The following KCNK5 variants were observed in gnomAD, a reference collection of about 807,000 sequenced individuals.
The protein encoded by KCNK5 is potassium two pore domain channel subfamily K member 5, also known as potassium channel subfamily K member 5.
KCNK5 carries 18 observed loss-of-function variants against 32.9 expected under a neutral mutation model. The observed-to-expected ratio is 0.55, with a 90% CI of 0.38 to 0.81. The LOEUF is 0.81. KCNK5 is among the 30% of genes least tolerant of loss of function. The pLI is 0.00. For missense variants in KCNK5, 507 were observed against 651.0 expected (o/e 0.78, Z 2.41); for synonymous variants, 276 against 275.3 (o/e 1.00, Z -0.03).
chr6:39,206,524 C>T (rs1026008443), intron 1 of KCNK5, among the ~76,000 whole-genome samples: 1 of 152,198 alleles, frequency 6.6e-6, no homozygotes, highest in Non-Finnish European at 1.5e-5. Context: ...CCATCCCGGG[C>T]CAATGACCTG....
At chr6:39,207,326 G>C (rs562600983) in intron 1 of KCNK5, among the ~76,000 whole-genome samples, 1 of 152,320 alleles carries the variant, frequency 6.6e-6, no homozygotes, top group South Asian at 2.1e-4. Flanking sequence ...GCCCTACAAG[G>C]AGAGACTCAT....
At chr6:39,220,215 G>A (rs1237863495) in intron 1 of KCNK5, among the ~76,000 whole-genome samples, 2 of 152,190 alleles carry the variant, frequency 1.3e-5, no homozygotes, top group East Asian at 3.9e-4. Flanking sequence ...GACTCAGGGG[G>A]CAAGCATCCC....
At chr6:39,217,199 C>T (rs1440403466) in intron 1 of KCNK5, among the ~76,000 whole-genome samples, 2 of 151,352 alleles carry the variant, frequency 1.3e-5, no homozygotes, top group African/African-American at 4.9e-5. Context: ...AATGCCTCTC[C>T]TCTGTTAGGA....
rs111478137 is a variant in KCNK5, at chr6:39,191,193, G to T, written c.1197C>A (p.Ser399Arg). The change falls in exon 5 of 5, where the codon AGC becomes AGA. Residue 399 changes from serine to arginine, a missense_variant. This residue lies in a region of KCNK5 where 252 missense variants were observed against 250.8 expected (regional missense o/e 1.00). Transcript: ENST00000359534. The surrounding 1 kb of genome is among the most constrained non-coding windows in gnomAD (Gnocchi z 5.8). ...EVFMNQLDRISEECEPWDAQD... is the reference protein window; with the variant it reads ...EVFMNQLDRIREECEPWDAQD... ...GGGCGTCCCATGGCTCGCATTCCTC[G>T]CTGATGCGGTCCAGCTGGTTCATGA... 6.2e-7 allele frequency: 1 copy of T among 1,614,096 alleles called. No individual in the cohort carries two copies. Among genetic ancestry groups the T allele is most frequent in the Admixed American group, 1.7e-5 (1 of 60,012 alleles).
At chr6:39,195,807 G>C in intron 2 of KCNK5, 69 bp downstream of exon 2, 1 of 1,093,694 alleles carries the variant, frequency 9.1e-7, no homozygotes, top group East Asian at 2.4e-5. Context: ...GACCAGAGCT[G>C]GGTTTCTAGA....
Position 39,190,868 on chromosome 6 carries a change from G to T in KCNK5, c.*22C>A, listed in dbSNP as rs1460562142. Reference sequence around the variant, plus strand: ...GAGGGGGGAAGAGGCCATCAAAGGTGGGGTGGGGAGCCGGCCCTGCCTCAT... The same window carrying T: ...GAGGGGGGAAGAGGCCATCAAAGGTTGGGTGGGGAGCCGGCCCTGCCTCAT... On this transcript the variant is annotated 3_prime_UTR_variant, in exon 5 of 5. Transcript: ENST00000359534. The T allele has an allele frequency of 2.1e-6, 3 of 1,456,434 alleles. No homozygotes were observed. Among genetic ancestry groups the T allele is most frequent in the Non-Finnish European group, 2.7e-6 (3 of 1,102,686 alleles). 90.2% of individuals were successfully genotyped at this position (1,456,434 alleles called of 1,614,324 possible). A position where few individuals can be genotyped will look rare whatever the true frequency, so the allele number is the denominator to read the frequency against.
In KCNK5 at chr6:39,228,981, T is replaced by C; in HGVS notation, c.131A>G (p.His44Arg). ...CAGGCACGGGAACTCCTTGAGCAGATGCAGCTTCTGTGTGTAGTAGTTTTT... is the reference window on the plus strand; with the variant it reads ...CAGGCACGGGAACTCCTTGAGCAGACGCAGCTTCTGTGTGTAGTAGTTTTT... ...AKKNYYTQKLHLLKEFPCLGQ... is the reference protein window; with the variant it reads ...AKKNYYTQKLRLLKEFPCLGQ... The change falls in exon 1 of 5, where the codon CAT (histidine) becomes CGT (arginine). Residue 44 changes from histidine (H) to arginine (R), a missense_variant. His to Arg is a conservative substitution (Grantham distance 29, BLOSUM62 0). Around this residue, in one of 6 missense-constraint regions of KCNK5, gnomAD observed 143 missense variants for 219.1 expected, o/e 0.65. Transcript: ENST00000359534. 1 of 1,614,200 alleles carries C rather than the reference T, an allele frequency of 6.2e-7. No homozygotes were observed. Among genetic ancestry groups the C allele is most frequent in the Non-Finnish European group, 8.5e-7 (1 of 1,180,022 alleles).
rs919635261 is a variant in KCNK5, at chr6:39,228,985, G to A, written c.127C>T (p.Leu43=). Residue 43 remains leucine, a synonymous_variant, in exon 1 of 5, where the codon CTG becomes TTG. Transcript: ENST00000359534. ...CACGGGAACTCCTTGAGCAGATGCA[G>A]CTTCTGTGTGTAGTAGTTTTTCTTG... ...EAKKNYYTQK[L]HLLKEFPCLG... is the part of the protein sequence containing the mutation. 2 of 1,614,218 alleles carry A rather than the reference G, an allele frequency of 1.2e-6. No individual in the cohort carries two copies. Among genetic ancestry groups the A allele is most frequent in the Non-Finnish European group, 1.7e-6 (2 of 1,180,040 alleles).
rs762012701 is a variant in KCNK5, at chr6:39,190,846, G to T, written c.*44C>A. 4.1e-6 allele frequency: 6 copies of T among 1,446,450 alleles called. No individual in the cohort carries two copies. The highest frequency in any genetic ancestry group is 5.7e-5 in the Admixed American group (2 of 34,962). The allele number at this position is 1,446,450 out of a possible 1,614,324, so 89.6% of individuals were successfully genotyped here. On this transcript the variant is annotated 3_prime_UTR_variant, in exon 5 of 5. Transcript: ENST00000359534. ...TCATCTCGGGACACCCTAGGGTGAG[G>T]GGGGAAGAGGCCATCAAAGGTGGGG...
intron 1 of KCNK5, among the ~76,000 whole-genome samples, chr6:39,197,013 C>T (rs532723610): frequency 6.6e-6 from 1 of 152,344 alleles, no homozygotes; most frequent in Admixed American, 6.5e-5. Flanking sequence ...TATCAGCTGG[C>T]AGGGCCTGGA....
At chr6:39,206,297 C>T (rs768317013) in intron 1 of KCNK5, among the ~76,000 whole-genome samples, 14 of 152,194 alleles carry the variant, frequency 9.2e-5, no homozygotes, top group Non-Finnish European at 1.8e-4. Context: ...CTGTGCTGTG[C>T]GGTCATACCC....
intron 1 of KCNK5, among the ~76,000 whole-genome samples, chr6:39,228,294 C>T (rs1771708433): frequency 6.6e-6 from 1 of 152,224 alleles, no homozygotes; most frequent in African/African-American, 2.4e-5. Flanking sequence ...AAGGATGTCT[C>T]CGCGAGATAA....
At chr6:39,213,738 C>T (rs1207243580) in intron 1 of KCNK5, among the ~76,000 whole-genome samples, 2 of 152,110 alleles carry the variant, frequency 1.3e-5, no homozygotes, top group Admixed American at 6.5e-5. Flanking sequence ...ACCTATAATC[C>T]CAGCATTTTG....
chr6:39,192,369 G>A (rs1363037250), intron 4 of KCNK5, among the ~76,000 whole-genome samples: 2 of 147,490 alleles, frequency 1.4e-5, no homozygotes, highest in Non-Finnish European at 3.0e-5. Flanking sequence ...CAATGTAACC[G>A]ACACACAGGT....
chr6:39,194,168 C>T lies in KCNK5; in HGVS notation c.634+1G>A. 1 of 1,613,986 alleles carries T rather than the reference C, an allele frequency of 6.2e-7. No homozygotes were observed. Among genetic ancestry groups the T allele is most frequent in the Non-Finnish European group, 8.5e-7 (1 of 1,179,960 alleles). ...GGTGGGAGGCAGAGGCAGGGACTCA[C>T]CGGCCACAAAGTCACCGAAGCCGAT... is the stretch of plus-strand genomic sequence containing the variant. On this transcript the variant is annotated splice_donor_variant, in intron 4 of 4. Coordinates refer to ENST00000359534, the MANE Select transcript of KCNK5 (RefSeq NM_003740.4). LOFTEE classifies it high-confidence loss of function. The surrounding 1 kb of genome is among the most constrained non-coding windows in gnomAD (Gnocchi z 4.7).
chr6:39,220,369 C>T (rs980016281), intron 1 of KCNK5, among the ~76,000 whole-genome samples: 1 of 152,192 alleles, frequency 6.6e-6, no homozygotes, highest in Non-Finnish European at 1.5e-5. Context: ...AAAAAGAATG[C>T]ACATTTCAAA....
Position 39,215,852 on chromosome 6 carries a change from G to A in KCNK5, c.186+13074C>T, listed in dbSNP as rs188267425. On this transcript the variant is annotated intron_variant, in intron 1 of 4. Transcript: ENST00000359534. ...CTGACCACAAACCTGTCAAGCAGCA[G>A]GCGTTAGAAGCAGTAAACAAAAGTC... 6.7e-4 allele frequency among the ~76,000 whole-genome samples: 102 copies of A among 152,318 alleles called. 4 individuals carry two copies. In the East Asian group the frequency reaches 0.019, roughly 29 times the overall value.
At chr6:39,201,256 T>TC (rs974190594) in intron 1 of KCNK5, among the ~76,000 whole-genome samples, 2 of 87,464 alleles carry the variant, frequency 2.3e-5, no homozygotes, top group African/African-American at 7.9e-5. Flanking sequence ...TTTTCTTCTT[T>TC]TTTTTTTTTT....
intron 1 of KCNK5, among the ~76,000 whole-genome samples, chr6:39,220,461 T>G (rs1311542574): frequency 6.6e-6 from 1 of 152,070 alleles, no homozygotes; most frequent in African/African-American, 2.4e-5. Flanking sequence ...TGGGTAACCA[T>G]CATCCCAGGA....
Sources: allele counts gnomAD v4.1 joint callset (sites outside exome capture counted in the v4.1 genomes callset), GRCh38; gene constraint gnomAD v4.1.1; regional missense constraint gnomAD v4.1.1; non-coding constraint Gnocchi (gnomAD v3.1); transcripts MANE v1.5; gene names NCBI Gene and HGNC (gene_info 2026-07-23, HGNC 2026-07-21).